The following EML4 variants were observed in gnomAD, a reference collection of about 807,000 sequenced individuals.
EML4 encodes the protein echinoderm microtubule-associated protein-like 4.
Under a neutral mutation model 129.0 loss-of-function variants are expected in EML4, and 72 were observed. The observed-to-expected ratio is 0.56, with a 90% CI of 0.46 to 0.68. The LOEUF (loss-of-function observed/expected upper bound fraction) is 0.68. EML4 is among the 30% of genes least tolerant of loss of function. EML4 has a pLI of 0.00. For missense variants in EML4, 1,363 were observed against 1,190.6 expected (o/e 1.14, Z -2.13); for synonymous variants, 532 against 405.0 (o/e 1.31, Z -3.77).
At chr2:42,193,323 C>G (rs1246862757) in intron 1 of EML4, among the ~76,000 whole-genome samples, 1 of 152,154 alleles carries the variant, frequency 6.6e-6, no homozygotes, top group Non-Finnish European at 1.5e-5. Context: ...ATGCATTTCT[C>G]AGAACTGACA....
In EML4 at chr2:42,261,278, G is replaced by A. The variant is rs1052163835; in HGVS notation, c.496G>A (p.Ala166Thr). The A allele has an allele frequency of 1.9e-6, 3 of 1,613,006 alleles. No homozygotes were observed. In the Admixed American group the frequency reaches 5.0e-5, roughly 27 times the overall value. Residue 166 changes from alanine (A) to threonine (T), a missense_variant, in exon 4 of 23, where the codon GCT becomes ACT. Physicochemically the swap from Ala to Thr is moderately conservative, Grantham distance 58 (BLOSUM62 0). Coordinates refer to ENST00000318522, the MANE Select transcript of EML4 (RefSeq NM_019063.5). ...CAGACAAACTCCAGAAAGCAAGAATGCTACTCCCACCAAAAGGTTTTAACT... is the reference window on the plus strand; with the variant it reads ...CAGACAAACTCCAGAAAGCAAGAATACTACTCCCACCAAAAGGTTTTAACT... ...IHRQTPESKNATPTKSIKRPS... is the reference protein window; with the variant it reads ...IHRQTPESKNTTPTKSIKRPS...
chr2:42,298,706 C>G (rs1668092164), intron 13 of EML4, among the ~76,000 whole-genome samples: 1 of 150,016 alleles, frequency 6.7e-6, no homozygotes, highest in Non-Finnish European at 1.5e-5. Context: ...ATTTTTTTTT[C>G]CAGTTTTCCA....
intron 1 of EML4, among the ~76,000 whole-genome samples, chr2:42,222,064 C>T (rs1051673164): frequency 1.3e-5 from 2 of 152,080 alleles, no homozygotes; most frequent in Admixed American, 6.5e-5. Flanking sequence ...TTAGTCTTCT[C>T]TCTCTGTAGC....
chr2:42,297,130 A>G (rs1385170697), intron 13 of EML4, among the ~76,000 whole-genome samples: 1 of 152,228 alleles, frequency 6.6e-6, no homozygotes, highest in East Asian at 1.9e-4. Context: ...TTTACACACG[A>G]GAAGAATGGC....
At chr2:42,250,464 A>G (rs917863331) in intron 2 of EML4, among the ~76,000 whole-genome samples, 1 of 152,186 alleles carries the variant, frequency 6.6e-6, no homozygotes, top group African/African-American at 2.4e-5. Flanking sequence ...TGGGACCCTT[A>G]CGCTAAAATG....
intron 10 of EML4, 146 bp from the exon 11 acceptor site, chr2:42,288,081 G>A: frequency 2.4e-6 from 1 of 415,362 alleles, no homozygotes; most frequent in Non-Finnish European, 4.3e-6. Flanking sequence ...GTAGTAAATA[G>A]TGTATTCATT....
In EML4 at chr2:42,202,415, G is replaced by T. The variant is rs146058299; in HGVS notation, c.25+32779G>T. On this transcript the variant is annotated intron_variant, in intron 1 of 22. Transcript: ENST00000318522. ...TGGCCAGTAGTTCGAGACTAGCCTG[G>T]TGTATTAGTCAGTGTTCTCTAGAGG... Among the ~76,000 whole-genome samples, 725 of 152,204 alleles carry T rather than the reference G, an allele frequency of 4.8e-3. 3 individuals are homozygous for T. Among genetic ancestry groups the T allele is most frequent in the African/African-American group, 0.017 (700 of 41,508 alleles).
At chr2:42,316,373 A>C (rs1023136493) in intron 18 of EML4, among the ~76,000 whole-genome samples, 3 of 152,224 alleles carry the variant, frequency 2.0e-5, no homozygotes, top group Admixed American at 2.0e-4. Flanking sequence ...TAAATGTCAC[A>C]TCTGGTTAGC....
chr2:42,236,567 G>C (rs1179338380), intron 1 of EML4, among the ~76,000 whole-genome samples: 1 of 152,180 alleles, frequency 6.6e-6, no homozygotes, highest in Non-Finnish European at 1.5e-5. Flanking sequence ...AGGCACATCT[G>C]AGTAGTTTGC....
intron 1 of EML4, among the ~76,000 whole-genome samples, chr2:42,228,362 A>T (rs1674111788): frequency 1.3e-5 from 2 of 152,212 alleles, no homozygotes; most frequent in Admixed American, 1.3e-4. Flanking sequence ...TTTAGGAATG[A>T]AGTTGATGAG....
At chr2:42,226,471 A>T (rs1197627307) in intron 1 of EML4, among the ~76,000 whole-genome samples, 1 of 151,266 alleles carries the variant, frequency 6.6e-6, no homozygotes, top group East Asian at 1.9e-4. Context: ...CATCCTGGCC[A>T]ACATGGTGAA....
At chr2:42,294,663 C>T (rs1456743934) in intron 11 of EML4, among the ~76,000 whole-genome samples, 1 of 151,770 alleles carries the variant, frequency 6.6e-6, no homozygotes, top group African/African-American at 2.4e-5. Context: ...TCCATTTGCA[C>T]TCTAGCCTGG....
At chr2:42,302,099 A>C (rs1423672211) in intron 14 of EML4, among the ~76,000 whole-genome samples, 1 of 152,128 alleles carries the variant, frequency 6.6e-6, no homozygotes, top group Admixed American at 6.6e-5. Flanking sequence ...GCATTCACTG[A>C]GATTGTTCCA....
intron 1 of EML4, among the ~76,000 whole-genome samples, chr2:42,226,828 T>G (rs1673993680): frequency 6.6e-6 from 1 of 152,142 alleles, no homozygotes; most frequent in Admixed American, 6.5e-5. Flanking sequence ...TATCACAGTA[T>G]CATGTTATAC....
intron 1 of EML4, among the ~76,000 whole-genome samples, chr2:42,215,453 C>A (rs1255998479): frequency 6.6e-6 from 1 of 152,100 alleles, no homozygotes; most frequent in Non-Finnish European, 1.5e-5. Flanking sequence ...ATAAAAGCTT[C>A]CAGGGTACTC....
At position 42,332,358 on chromosome 2, in the gene EML4, A is replaced by T. The variant is rs1670148140; in HGVS notation, c.*2151A>T. ...GGCAACTACTGTTTAATGGTCAGTT[A>T]AATCTGTGATAATGGTTGGAAGTGG... On this transcript the variant is annotated 3_prime_UTR_variant, in exon 23 of 23. Transcript: ENST00000318522. 4.7e-6 allele frequency: 1 copy of T among 210,668 alleles called. No individual in the cohort carries two copies. Among genetic ancestry groups the T allele is most frequent in the Non-Finnish European group, 9.7e-6 (1 of 103,538 alleles). The allele number at this position is 210,668 out of a possible 1,614,324, so 13.0% of individuals were successfully genotyped here.
chr2:42,269,589 A>G (rs889016323), intron 6 of EML4, among the ~76,000 whole-genome samples: 7 of 152,172 alleles, frequency 4.6e-5, no homozygotes, highest in African/African-American at 1.7e-4. Context: ...TTGCTATTTT[A>G]TATAGAGTAG....
intron 11 of EML4, chr2:42,289,476 A>T (rs1667499689): frequency 6.6e-6 from 1 of 152,118 alleles, no homozygotes; most frequent in East Asian, 1.9e-4. Flanking sequence ...AACAGGTTTA[A>T]CTCATATTTC....
chr2:42,202,871 T>TA lies in EML4; in HGVS notation c.25+33242dup, dbSNP rs1164283398. 4.0e-5 allele frequency among the ~76,000 whole-genome samples: 6 copies of TA among 151,880 alleles called. No individual in the cohort carries two copies. The South Asian group carries it at 1.0e-3, about 26-fold the overall frequency. Reference sequence around the variant, plus strand: ...AGCAAGACCCCATCTCTACAAAAAATAAAAAAATTAGCCTGGTGGGGTGGT... The same window carrying TA: ...AGCAAGACCCCATCTCTACAAAAAATAAAAAAAATTAGCCTGGTGGGGTGGT... On this transcript the variant is annotated intron_variant, in intron 1 of 22. Transcript: ENST00000318522.
Sources: gnomAD v4.1 joint callset for allele counts (sites outside exome capture counted in the v4.1 genomes callset) on GRCh38, gnomAD v4.1.1 for gene constraint, MANE v1.5 for transcripts, NCBI Gene and HGNC (gene_info 2026-07-23, HGNC 2026-07-21) for gene names.